P2RX6: variants seen among roughly 807,000 people sequenced by gnomAD.
The protein encoded by P2RX6 is P2X purinoceptor 6.
Under a neutral mutation model 54.2 loss-of-function variants are expected in P2RX6, and 62 were observed. The observed-to-expected ratio is 1.14, with a 90% confidence interval of 0.93 to 1.41. P2RX6 has a LOEUF of 1.41. Among genes scored for constraint, P2RX6 ranks in the 40% most tolerant of loss-of-function variants. P2RX6 has a pLI of 0.00. For missense variants in P2RX6, 541 were observed against 566.3 expected (o/e 0.96, Z 0.45); for synonymous variants, 211 against 231.9 (o/e 0.91, Z 0.82).
intron 1 of P2RX6, among the ~76,000 whole-genome samples, 162 bp from the exon 2 acceptor site, chr22:21,015,779 AG>A (rs1430991471): frequency 6.6e-6 from 1 of 151,842 alleles, no homozygotes; most frequent in East Asian, 1.9e-4. Flanking sequence ...TGTCTCATTC[AG>A]GGGGTCTGGA....
Position 21,026,681 on chromosome 22 carries a change from G to A in P2RX6, c.*64G>A. The stretch of plus-strand genomic sequence containing the variant: ...CGGGGCCCTGCCTGGGGATCTCAAG[G>A]ATGAGGCCCCAGCATGGAGGATTGG... On this transcript the variant is annotated 3_prime_UTR_variant, in exon 12 of 12. Coordinates refer to ENST00000413302, the MANE Select transcript of P2RX6 (RefSeq NM_005446.5). This position sits in a 1 kb window ranked among gnomAD's most constrained non-coding sequence, Gnocchi z 4.0. The A allele has an allele frequency of 6.6e-7, 1 of 1,520,192 alleles. No individual in the cohort carries two copies. The highest frequency in any genetic ancestry group is 8.9e-7 in the Non-Finnish European group (1 of 1,129,646). 94.2% of individuals were successfully genotyped at this position (1,520,192 alleles called of 1,614,324 possible). A position where few individuals can be genotyped will look rare whatever the true frequency, so the allele number is the denominator to read the frequency against.
rs1928462856 is a variant in P2RX6, at chr22:21,026,382, T to C, written c.1129-38T>C. 4 of 1,587,706 alleles carry C rather than the reference T, an allele frequency of 2.5e-6. No homozygotes were observed. Among genetic ancestry groups the C allele is most frequent in the Admixed American group, 1.8e-5 (1 of 55,830 alleles). ...CTGGGTTCTGCCACACTTAGGAAGATGTTGGCTGGATCCCTGACCTGCTGT... is the reference window on the plus strand; with the variant it reads ...CTGGGTTCTGCCACACTTAGGAAGACGTTGGCTGGATCCCTGACCTGCTGT... On this transcript the variant is annotated intron_variant, in intron 11 of 11. Transcript: ENST00000413302. The surrounding 1 kb of genome is among the most constrained non-coding windows in gnomAD (Gnocchi z 4.0).
intron 2 of P2RX6, among the ~76,000 whole-genome samples, chr22:21,016,971 G>A (rs1026492307): frequency 2.6e-5 from 4 of 152,088 alleles, no homozygotes; most frequent in African/African-American, 9.7e-5. Context: ...CACTAGTCAT[G>A]GTGGCTGTGA....
At chr22:21,021,943 A>G (rs1423083931) in intron 3 of P2RX6, among the ~76,000 whole-genome samples, 2 of 152,100 alleles carry the variant, frequency 1.3e-5, no homozygotes, top group Non-Finnish European at 2.9e-5. Context: ...TTTGTCAGCT[A>G]TGTCCCCATG....
chr22:21,016,216 C>A, intron 2 of P2RX6, 124 bp downstream of exon 2: 1 of 1,014,784 alleles, frequency 9.9e-7, no homozygotes, highest in Non-Finnish European at 1.4e-6. Flanking sequence ...TGCGGGTTCT[C>A]AGGAAGGGCT....
chr22:21,018,515 C>T (rs1262562345), intron 3 of P2RX6: 1 of 233,384 alleles, frequency 4.3e-6, no homozygotes, highest in Non-Finnish European at 8.6e-6. Context: ...TGTGCCCAGC[C>T]TCTATTAATA....
At chr22:21,021,219 C>T (rs565810579) in intron 3 of P2RX6, among the ~76,000 whole-genome samples, 114 of 152,260 alleles carry the variant, frequency 7.5e-4, no homozygotes, top group African/African-American at 1.7e-3. Flanking sequence ...TCAGGCAATC[C>T]GCCTACTTTG....
At position 21,026,299 on chromosome 22, in the gene P2RX6, C is replaced by A; in HGVS notation, c.1098C>A (p.Ala366=). 1 of 1,607,244 alleles carries A rather than the reference C, an allele frequency of 6.2e-7. No individual in the cohort carries two copies. Among genetic ancestry groups the A allele is most frequent in the East Asian group, 2.2e-5 (1 of 44,720 alleles). ...TACTGCTGTATGTGGATAGAGAAGC[C>A]CATTTCTACTGGAGGACAAAGTATG... The part of the protein sequence containing the change: ...DLLLLYVDRE[A]HFYWRTKYEE... The change falls in exon 11 of 12, where the codon GCC becomes GCA. Residue 366 remains alanine, a synonymous_variant. Coordinates refer to ENST00000413302, the MANE Select transcript of P2RX6 (RefSeq NM_005446.5). This position sits in a 1 kb window ranked among gnomAD's most constrained non-coding sequence, Gnocchi z 4.0.
chr22:21,015,380 A>G (rs776845898), intron 1 of P2RX6, 42 bp downstream of exon 1: 4 of 1,523,924 alleles, frequency 2.6e-6, no homozygotes, highest in Non-Finnish European at 3.5e-6. Context: ...GGGGCAAGGG[A>G]AGAGGTGGGG....
chr22:21,019,178 C>G (rs1334509518), intron 3 of P2RX6, among the ~76,000 whole-genome samples: 3 of 152,210 alleles, frequency 2.0e-5, no homozygotes, highest in African/African-American at 7.2e-5. Flanking sequence ...GCAAGTCCAA[C>G]ATTTACGTGC....
At chr22:21,011,171 G>A (rs557258029), upstream of P2RX6, among the ~76,000 whole-genome samples, 6 of 150,328 alleles carry the variant, frequency 4.0e-5, no homozygotes, top group South Asian at 1.3e-3. Flanking sequence ...TCAGTGCCCA[G>A]CACATACAGC....
chr22:21,023,520 A>T lies in P2RX6; in HGVS notation c.792A>T (p.Val264=). Residue 264 remains valine, a synonymous_variant, in exon 8 of 12, where the codon GTA becomes GTT. Coordinates refer to ENST00000413302, the MANE Select transcript of P2RX6 (RefSeq NM_005446.5). ...FEDLALLGGS[V]GIRVHWDCDL... is the part of the protein sequence containing the mutation. Reference sequence around the variant, plus strand: ...TGTGCTATGTGCAGGGTGGCTCTGTAGGCATCAGAGTTCACTGGGATTGTG... The same window carrying T: ...TGTGCTATGTGCAGGGTGGCTCTGTTGGCATCAGAGTTCACTGGGATTGTG... 6.2e-7 allele frequency: 1 copy of T among 1,613,662 alleles called. No individual in the cohort carries two copies. Among genetic ancestry groups the T allele is most frequent in the African/African-American group, 1.3e-5 (1 of 75,022 alleles).
chr22:21,024,878 G>GTTTTTTTTTTTTTT (rs562371289), intron 8 of P2RX6, among the ~76,000 whole-genome samples: 11 of 110,728 alleles, frequency 9.9e-5, no homozygotes, highest in South Asian at 3.2e-4. Context: ...TTTTTTTTGT[G>GTTTTTTTTTTTTTT]TTTTTTTTTT....
rs1927866182 is a variant in P2RX6, at chr22:21,023,560, G to T, written c.832G>T (p.Asp278Tyr). The T allele has an allele frequency of 6.2e-7, 1 of 1,613,710 alleles. No individual in the cohort carries two copies. The highest frequency in any genetic ancestry group is 8.5e-7 in the Non-Finnish European group (1 of 1,179,780). The part of the protein sequence containing the change: ...VHWDCDLDTG[D>Y]SGCWPHYSFQ... The stretch of plus-strand genomic sequence containing the variant: ...CTGGGATTGTGACCTGGACACCGGG[G>T]ACTCTGGCTGCTGGCCTCACTACTC... The change falls in exon 8 of 12, where the codon GAC (aspartate) becomes TAC (tyrosine). Residue 278 changes from aspartate (D) to tyrosine (Y), a missense_variant. By Grantham distance (160) the Asp-to-Tyr change is radical. Coordinates refer to ENST00000413302, the MANE Select transcript of P2RX6 (RefSeq NM_005446.5).
At chr22:21,025,735 G>A in intron 8 of P2RX6, 70 bp from the exon 9 acceptor site, 1 of 1,144,442 alleles carries the variant, frequency 8.7e-7, no homozygotes, top group Non-Finnish European at 1.3e-6. Context: ...GTTGGACAGA[G>A]GTCTGGCAGG....
upstream of P2RX6, chr22:21,014,164 C>A: frequency 6.4e-6 from 1 of 156,030 alleles, no homozygotes; most frequent in Non-Finnish European, 1.4e-5. Flanking sequence ...AGGCCGCCGT[C>A]GCCTCTTCCT....
upstream of P2RX6, chr22:21,012,652 C>CG (rs1206298721): frequency 7.4e-6 from 4 of 542,436 alleles, no homozygotes; most frequent in South Asian, 2.0e-5. Context: ...AGCCAGAGAC[C>CG]GGCGCCCTGG....
At position 21,026,941 on chromosome 22, in the gene P2RX6, C is replaced by T; in HGVS notation, c.*324C>T. On this transcript the variant is annotated 3_prime_UTR_variant, in exon 12 of 12. Transcript: ENST00000413302. This position sits in a 1 kb window ranked among gnomAD's most constrained non-coding sequence, Gnocchi z 4.0. ...GGTCTCTCTCCCAGTGCTCTGTCCC[C>T]AGTGTTCCTAGCAGAGGTATGCTTA... is the stretch of plus-strand genomic sequence containing the variant. 1 of 413,078 alleles carries T rather than the reference C, an allele frequency of 2.4e-6. No homozygotes were observed. The highest frequency in any genetic ancestry group is 3.8e-5 in the Admixed American group (1 of 26,026). 25.6% of individuals were successfully genotyped at this position (413,078 alleles called of 1,614,324 possible). A position where few individuals can be genotyped will look rare whatever the true frequency, so the allele number is the denominator to read the frequency against.
At chr22:21,011,187 G>A (rs957873798), upstream of P2RX6, among the ~76,000 whole-genome samples, 14 of 148,648 alleles carry the variant, frequency 9.4e-5, no homozygotes, top group African/African-American at 3.0e-4. Context: ...ACAGCAGCGC[G>A]CAATGAGATA....
Sources: allele counts gnomAD v4.1 joint callset (sites outside exome capture counted in the v4.1 genomes callset), GRCh38; gene constraint gnomAD v4.1.1; non-coding constraint Gnocchi (gnomAD v3.1); transcripts MANE v1.5; gene names NCBI Gene and HGNC (gene_info 2026-07-23, HGNC 2026-07-21).